SLC44A5: variants seen among roughly 807,000 people sequenced by gnomAD.
SLC44A5 encodes the protein solute carrier family 44 member 5.
Under a neutral mutation model 101.8 loss-of-function variants are expected in SLC44A5, and 57 were observed. That is an observed-to-expected ratio of 0.56 (90% CI 0.45 to 0.70). The LOEUF is 0.70. Ranked by LOEUF, SLC44A5 falls within the 30% of genes least tolerant of loss-of-function variation. The probability of loss-of-function intolerance (pLI) is 0.00; values close to 1 mark genes in which losing one functional copy is unlikely to be tolerated. For missense variants in SLC44A5, 737 were observed against 853.1 expected, an observed-to-expected ratio of 0.86 and a Z score of 1.70; for synonymous variants, 281 against 290.9, an observed-to-expected ratio of 0.97 and a Z score of 0.35.
intron 2 of SLC44A5, among the ~76,000 whole-genome samples, chr1:75,526,316 A>C (rs1393123684): frequency 1.3e-5 from 2 of 152,168 alleles, no homozygotes; most frequent in Non-Finnish European, 2.9e-5. Flanking sequence ...AGTGGCAAAA[A>C]CAGTTAATGT....
chr1:75,674,797 G>A, the SLC44A5 span, among the ~76,000 whole-genome samples: 2 of 152,180 alleles, frequency 1.3e-5, no homozygotes, highest in Admixed American at 1.3e-4. Context: ...GATAGGAGTA[G>A]AAAGTTTATT....
the SLC44A5 span, among the ~76,000 whole-genome samples, chr1:75,706,588 T>C: frequency 6.6e-6 from 1 of 152,162 alleles, no homozygotes; most frequent in South Asian, 2.1e-4. Flanking sequence ...TTTTGCTCTT[T>C]ATGGGCCCTG....
chr1:75,383,967 G>A (rs566936356), intron 3 of SLC44A5, among the ~76,000 whole-genome samples: 14 of 151,892 alleles, frequency 9.2e-5, no homozygotes, highest in African/African-American at 3.4e-4. Context: ...AGCTTCATAA[G>A]CGAAGGAGAA....
In SLC44A5 at chr1:75,563,072, C is replaced by G. The variant is rs138346913; in HGVS notation, c.-69-21556G>C. ...TTCTGTGGATTTTAAATATAGATTACATATATCTTAATATCATCATAATGT... is the reference window on the plus strand; with the variant it reads ...TTCTGTGGATTTTAAATATAGATTAGATATATCTTAATATCATCATAATGT... On this transcript the variant is annotated intron_variant, in intron 1 of 23. Coordinates refer to ENST00000370859, the MANE Select transcript of SLC44A5 (RefSeq NM_001130058.2). Among the ~76,000 whole-genome samples the G allele has an allele frequency of 3.9e-3, 595 of 152,202 alleles. 7 individuals carry two copies. The highest frequency in any genetic ancestry group is 0.014 in the African/African-American group (564 of 41,534).
chr1:75,648,334 A>T, the SLC44A5 span, among the ~76,000 whole-genome samples: 15 of 152,172 alleles, frequency 9.9e-5, 1 homozygote, highest in Non-Finnish European at 1.5e-5. Context: ...TTTTTCCTTT[A>T]TAAATTACCC....
At chr1:75,625,652 C>T in the SLC44A5 span, among the ~76,000 whole-genome samples, 3 of 151,938 alleles carry the variant, frequency 2.0e-5, no homozygotes, top group Admixed American at 2.0e-4. Flanking sequence ...ATTTTTGAGC[C>T]CCTATTTGGG....
At chr1:75,457,789 G>A (rs963787532) in intron 2 of SLC44A5, among the ~76,000 whole-genome samples, 6 of 152,044 alleles carry the variant, frequency 3.9e-5, no homozygotes, top group African/African-American at 7.2e-5. Flanking sequence ...CCCGCGAGGC[G>A]GAGGTTGCAG....
the SLC44A5 span, among the ~76,000 whole-genome samples, chr1:75,682,999 GA>G: frequency 7.9e-5 from 12 of 152,038 alleles, no homozygotes; most frequent in Non-Finnish European, 1.6e-4. Flanking sequence ...AAAAACACAT[GA>G]AAAAATGCTC....
At chr1:75,511,388 A>G (rs1292460336) in intron 2 of SLC44A5, among the ~76,000 whole-genome samples, 1 of 152,174 alleles carries the variant, frequency 6.6e-6, no homozygotes, top group Non-Finnish European at 1.5e-5. Context: ...AATTAAAAAT[A>G]TACATAAAGG....
At chr1:75,292,834 C>G (rs1423443188) in intron 5 of SLC44A5, among the ~76,000 whole-genome samples, 6 of 152,192 alleles carry the variant, frequency 3.9e-5, no homozygotes, top group Non-Finnish European at 8.8e-5. Context: ...CTCTCTGTAA[C>G]TTTCATTACT....
At chr1:75,279,114 T>C (rs1025208543) in intron 5 of SLC44A5, among the ~76,000 whole-genome samples, 2 of 152,044 alleles carry the variant, frequency 1.3e-5, no homozygotes, top group African/African-American at 4.8e-5. Flanking sequence ...TTAACTACAG[T>C]TTCCCCACTG....
chr1:75,539,972 G>A (rs1178616213), intron 2 of SLC44A5, among the ~76,000 whole-genome samples: 1 of 152,202 alleles, frequency 6.6e-6, no homozygotes, highest in Admixed American at 6.5e-5. Flanking sequence ...GAGCATGCCA[G>A]TTGTATAGTT....
the SLC44A5 span, among the ~76,000 whole-genome samples, chr1:75,672,151 A>G: frequency 0.25 from 38,476 of 152,010 alleles, 5,254 homozygotes; most frequent in Middle Eastern, 0.37. Flanking sequence ...ACAACTTGCA[A>G]CAGTATCTGC....
At chr1:75,324,585 C>T (rs947374816) in intron 4 of SLC44A5, among the ~76,000 whole-genome samples, 2 of 152,082 alleles carry the variant, frequency 1.3e-5, no homozygotes, top group African/African-American at 2.4e-5. Context: ...CAAGTGCATG[C>T]GTACATCATG....
At chr1:75,705,251 A>C in the SLC44A5 span, among the ~76,000 whole-genome samples, 3 of 152,198 alleles carry the variant, frequency 2.0e-5, no homozygotes, top group South Asian at 6.2e-4. Flanking sequence ...TCAACACACA[A>C]CACCTTTTTC....
chr1:75,217,570 C>T lies in SLC44A5; in HGVS notation c.1624+296G>A, dbSNP rs1646987792. Among the ~76,000 whole-genome samples, 3 of 152,072 alleles carry T rather than the reference C, an allele frequency of 2.0e-5. No homozygotes were observed. In the South Asian group the frequency reaches 6.2e-4, roughly 31 times the overall value. ...CTGACATCTCCATCATGCTTCTCAA[C>T]AATAACATCTCAAAACAGAATTCTT... On this transcript the variant is annotated intron_variant, in intron 18 of 23. Transcript: ENST00000370859.
chr1:75,578,859 A>G (rs1451590592), intron 1 of SLC44A5, among the ~76,000 whole-genome samples: 3 of 152,192 alleles, frequency 2.0e-5, no homozygotes, highest in Non-Finnish European at 4.4e-5. Context: ...TTCAATGGAT[A>G]TATATATAAA....
chr1:75,688,658 C>G, the SLC44A5 span, among the ~76,000 whole-genome samples: 1 of 152,152 alleles, frequency 6.6e-6, no homozygotes, highest in Non-Finnish European at 1.5e-5. Flanking sequence ...CTGAGCAATG[C>G]TAGGGCTCCA....
At chr1:75,406,293 G>T (rs1662862512) in intron 2 of SLC44A5, among the ~76,000 whole-genome samples, 1 of 152,170 alleles carries the variant, frequency 6.6e-6, no homozygotes, top group African/African-American at 2.4e-5. Flanking sequence ...ACAAAGAAGA[G>T]CTGGTACCAT....
Sources: gnomAD v4.1 joint callset for allele counts (sites outside exome capture counted in the v4.1 genomes callset) on GRCh38, gnomAD v4.1.1 for gene constraint, MANE v1.5 for transcripts, NCBI Gene and HGNC (gene_info 2026-07-23, HGNC 2026-07-21) for gene names.